The following CACNA2D1 variants were observed in gnomAD, a reference collection of about 807,000 sequenced individuals.
CACNA2D1 encodes the protein calcium voltage-gated channel auxiliary subunit alpha2delta 1.
In CACNA2D1, 53 loss-of-function variants were observed where a neutral mutation model predicts 171.5. That is an observed-to-expected ratio of 0.31 (90% CI 0.25 to 0.39). CACNA2D1 has a LOEUF of 0.39. CACNA2D1 is among the 10% of genes least tolerant of loss of function. The pLI is 1.00. For synonymous variants in CACNA2D1, 442 were observed against 443.1 expected, an observed-to-expected ratio of 1.00 and a Z score of 0.03; for missense variants, 903 against 1,299.8, an observed-to-expected ratio of 0.69 and a Z score of 4.69.
At position 82,369,136 on chromosome 7, in the gene CACNA2D1, T is replaced by G. The variant is rs116785489; in HGVS notation, c.96-19487A>C. ...AAATCCCTTTAGGATGCTATAAAAT[T>G]TACATACAATTATCAAAAAGAGTTT... On this transcript the variant is annotated intron_variant, in intron 1 of 38. Transcript: ENST00000356860. 7.7e-3 allele frequency among the ~76,000 whole-genome samples: 1,176 copies of G among 152,212 alleles called. 19 individuals are homozygous for G. Among genetic ancestry groups the G allele is most frequent in the African/African-American group, 0.026 (1,094 of 41,526 alleles).
At chr7:81,966,355 C>T (rs1460059521) in intron 31 of CACNA2D1, among the ~76,000 whole-genome samples, 1 of 151,394 alleles carries the variant, frequency 6.6e-6, no homozygotes, top group Non-Finnish European at 1.5e-5. Flanking sequence ...TTGCATTTTC[C>T]TAATGTGGAA....
intron 3 of CACNA2D1, among the ~76,000 whole-genome samples, chr7:82,260,756 C>T (rs1160146339): frequency 2.0e-5 from 3 of 152,080 alleles, no homozygotes; most frequent in Non-Finnish European, 4.4e-5. Flanking sequence ...ACAGCAAAGC[C>T]TGTTTTTAAC....
intron 1 of CACNA2D1, among the ~76,000 whole-genome samples, chr7:82,405,423 CA>C (rs1331053590): frequency 2.6e-5 from 4 of 152,128 alleles, no homozygotes; most frequent in Non-Finnish European, 5.9e-5. Context: ...ATCACACTTA[CA>C]AATCTGGGAG....
At chr7:82,147,490 T>C (rs978935616) in intron 4 of CACNA2D1, among the ~76,000 whole-genome samples, 1 of 152,182 alleles carries the variant, frequency 6.6e-6, no homozygotes, top group Non-Finnish European at 1.5e-5. Context: ...TCCTTTAATC[T>C]GTAATTCCAA....
chr7:82,276,301 G>A (rs1283466097), intron 3 of CACNA2D1, among the ~76,000 whole-genome samples: 1 of 152,128 alleles, frequency 6.6e-6, no homozygotes, highest in African/African-American at 2.4e-5. Context: ...TCAAAAGCTT[G>A]TTTTCCCTAC....
chr7:82,296,360 C>T (rs1198069476), intron 3 of CACNA2D1, among the ~76,000 whole-genome samples: 1 of 151,994 alleles, frequency 6.6e-6, no homozygotes, highest in Admixed American at 6.6e-5. Context: ...TTTCTGACAT[C>T]CGAATCAGTT....
intron 4 of CACNA2D1, among the ~76,000 whole-genome samples, chr7:82,139,509 G>A (rs1369980114): frequency 1.3e-5 from 2 of 151,968 alleles, no homozygotes; most frequent in Admixed American, 1.3e-4. Flanking sequence ...TCTTCTTTCA[G>A]AATGAGGGTC....
chr7:82,181,271 A>G (rs1361386247), intron 3 of CACNA2D1, among the ~76,000 whole-genome samples: 1 of 151,980 alleles, frequency 6.6e-6, no homozygotes, highest in East Asian at 1.9e-4. Context: ...CCAGCTTGTC[A>G]AAGTGTTCAC....
At chr7:81,989,106 G>A (rs1005359473) in intron 21 of CACNA2D1, among the ~76,000 whole-genome samples, 1 of 152,184 alleles carries the variant, frequency 6.6e-6, no homozygotes, top group African/African-American at 2.4e-5. Flanking sequence ...ATTCCAGGCA[G>A]AAGTAATTTC....
chr7:82,010,188 C>T (rs114752789), intron 15 of CACNA2D1, among the ~76,000 whole-genome samples: 1,651 of 152,066 alleles, frequency 0.011, 32 homozygotes, highest in African/African-American at 0.037. Flanking sequence ...CATTATATTT[C>T]GTTTTGAAAT....
In CACNA2D1 at chr7:82,291,555, A is replaced by G. The variant is rs985703267; in HGVS notation, c.294+43580T>C. 3.6e-5 allele frequency among the ~76,000 whole-genome samples: 5 copies of G among 139,840 alleles called. No homozygotes were observed. The South Asian group carries it at 1.1e-3, about 30-fold the overall frequency. The allele number at this position is 139,840 out of a possible 152,430, so 91.7% of individuals were successfully genotyped here. On this transcript the variant is annotated intron_variant, in intron 3 of 38. Coordinates refer to ENST00000356860, the MANE Select transcript of CACNA2D1 (RefSeq NM_000722.4). ...ATATATGTGATATATAGATATATAT[A>G]AATATATATATTTATATTTATATAT...
At chr7:82,261,111 C>T (rs183459714) in intron 3 of CACNA2D1, among the ~76,000 whole-genome samples, 2 of 152,040 alleles carry the variant, frequency 1.3e-5, no homozygotes, top group African/African-American at 2.4e-5. Flanking sequence ...CCCACCAGCA[C>T]GCCCGGCTAA....
chr7:81,998,519 C>G (rs190266633), intron 18 of CACNA2D1, among the ~76,000 whole-genome samples: 92 of 152,064 alleles, frequency 6.1e-4, no homozygotes, highest in African/African-American at 2.1e-3. Context: ...CATGTATTTA[C>G]TGACAAAAAT....
chr7:82,174,436 G>A (rs1003225124), intron 3 of CACNA2D1, among the ~76,000 whole-genome samples: 3 of 152,040 alleles, frequency 2.0e-5, no homozygotes, highest in Non-Finnish European at 4.4e-5. Context: ...TAATAGATGT[G>A]TTAAGAATGT....
At chr7:82,363,026 G>GA (rs1821248355) in intron 1 of CACNA2D1, among the ~76,000 whole-genome samples, 1 of 151,960 alleles carries the variant, frequency 6.6e-6, no homozygotes, top group African/African-American at 2.4e-5. Flanking sequence ...GCAACCCCCT[G>GA]AAATAAGACC....
At chr7:81,982,195 T>C (rs1324851352) in intron 24 of CACNA2D1, among the ~76,000 whole-genome samples, 1 of 152,054 alleles carries the variant, frequency 6.6e-6, no homozygotes, top group African/African-American at 2.4e-5. Flanking sequence ...AGTGGCATGA[T>C]CTCAGCTCCC....
chr7:82,243,143 T>C (rs1242582023), intron 3 of CACNA2D1, among the ~76,000 whole-genome samples: 1 of 152,196 alleles, frequency 6.6e-6, no homozygotes, highest in African/African-American at 2.4e-5. Flanking sequence ...TGATATTTTG[T>C]TTTATAATGA....
At chr7:82,300,748 A>G (rs1423060203) in intron 3 of CACNA2D1, among the ~76,000 whole-genome samples, 2 of 152,046 alleles carry the variant, frequency 1.3e-5, no homozygotes, top group Non-Finnish European at 2.9e-5. Flanking sequence ...TAATCCACAA[A>G]TCTGTCTTCT....
chr7:82,069,036 C>T (rs558060513), intron 7 of CACNA2D1, among the ~76,000 whole-genome samples: 7 of 152,130 alleles, frequency 4.6e-5, no homozygotes, highest in Non-Finnish European at 1.0e-4. Context: ...GATATTTACT[C>T]TTAGGTAGTA....
Sources: gnomAD v4.1 joint callset for allele counts (sites outside exome capture counted in the v4.1 genomes callset) on GRCh38, gnomAD v4.1.1 for gene constraint, MANE v1.5 for transcripts, NCBI Gene and HGNC (gene_info 2026-07-23, HGNC 2026-07-21) for gene names.